ALKBH8: variants seen among roughly 807,000 people sequenced by gnomAD.
ALKBH8 encodes tRNA (carboxymethyluridine(34)-5-O)-methyltransferase ALKBH8.
Under a neutral mutation model 59.8 loss-of-function variants are expected in ALKBH8, and 36 were observed. That is an observed-to-expected ratio of 0.60 (90% CI 0.46 to 0.79). The LOEUF (loss-of-function observed/expected upper bound fraction) is 0.79. ALKBH8 is among the 30% of genes least tolerant of loss of function. The pLI is 0.00. For missense variants in ALKBH8, 768 were observed against 801.0 expected, an observed-to-expected ratio of 0.96 and a Z score of 0.50; for synonymous variants, 276 against 273.6, an observed-to-expected ratio of 1.01 and a Z score of -0.09.
Position 107,522,369 on chromosome 11 carries a change from C to T in ALKBH8, c.1217G>A (p.Ser406Asn), listed in dbSNP as rs1863151115. The change falls in exon 10 of 12, where the codon AGT becomes AAT. Residue 406 changes from serine (S) to asparagine (N), a missense_variant. Physicochemically the swap from Ser to Asn is conservative, Grantham distance 46. Transcript: ENST00000428149. ...TCCAATATCAGCCACTATTGAACCA[C>T]TTGGCAAAGCCTTCAAAAACTCCAC... Reference protein sequence around the residue: ...HIVEFLKALPSGSIVADIGCG... With the variant: ...HIVEFLKALPNGSIVADIGCG... 1 of 1,551,694 alleles carries T rather than the reference C, an allele frequency of 6.4e-7. No individual in the cohort carries two copies. Among genetic ancestry groups the T allele is most frequent in the Non-Finnish European group, 8.7e-7 (1 of 1,146,980 alleles).
intron 6 of ALKBH8, 60 bp from the exon 7 acceptor site, chr11:107,549,883 G>A: frequency 8.4e-7 from 1 of 1,192,976 alleles, no homozygotes. Context: ...ATTTAAGATG[G>A]CTATAAATGT....
At position 107,549,953 on chromosome 11, in the gene ALKBH8, G is replaced by T; in HGVS notation, c.701-130C>A. ...TAATCAGGAAGGTACTATAATTTTGGTTAAAAGGAAACATTTAGGGTGAAT... is the reference window on the plus strand; with the variant it reads ...TAATCAGGAAGGTACTATAATTTTGTTTAAAAGGAAACATTTAGGGTGAAT... On this transcript the variant is annotated intron_variant, in intron 6 of 11. Transcript: ENST00000428149. 4 of 608,016 alleles carry T rather than the reference G, an allele frequency of 6.6e-6. No individual in the cohort carries two copies. In the South Asian group the frequency reaches 1.1e-4, roughly 16 times the overall value. 37.7% of individuals were successfully genotyped at this position (608,016 alleles called of 1,614,324 possible).
rs1472141916 is a variant in ALKBH8 at position 107,504,989 on chromosome 11, G to A, written c.1664C>T (p.Ser555Phe). The A allele has an allele frequency of 6.4e-7, 1 of 1,551,698 alleles. No homozygotes were observed. Among genetic ancestry groups the A allele is most frequent in the Non-Finnish European group, 8.7e-7 (1 of 1,146,858 alleles). ...AGAGTCATTAATGCGGGGGACAGAA[G>A]ATGCCGAGTCTCGACTGCCCATGTC... Reference protein sequence around the residue: ...MRDMGSRDSASSVPRINDSQE... With the variant: ...MRDMGSRDSAFSVPRINDSQE... The change falls in exon 12 of 12, where the codon TCT (serine) becomes TTT (phenylalanine). Residue 555 changes from serine (S) to phenylalanine (F), a missense_variant. Transcript: ENST00000428149.
chr11:107,522,612 C>A, intron 9 of ALKBH8, 57 bp from the exon 10 acceptor site: 3 of 1,462,788 alleles, frequency 2.1e-6, no homozygotes, highest in East Asian at 2.5e-5. Flanking sequence ...CATAAGGTAT[C>A]AAGTTTTCTT....
chr11:107,503,524 T>G lies in ALKBH8; in HGVS notation c.*1134A>C, dbSNP rs1862256697. On this transcript the variant is annotated 3_prime_UTR_variant, in exon 12 of 12. Coordinates refer to ENST00000428149, the MANE Select transcript of ALKBH8 (RefSeq NM_138775.3). ...TGAAAAAAAGCCTTTTCCTTCTATG[T>G]GATAATTTGACCTATGGTTGAATTT... The G allele has an allele frequency of 6.6e-6, 1 of 152,228 alleles. No homozygotes were observed. The highest frequency in any genetic ancestry group is 1.5e-5 in the Non-Finnish European group (1 of 68,040). 9.4% of individuals were successfully genotyped at this position (152,228 alleles called of 1,614,324 possible). A position where few individuals can be genotyped will look rare whatever the true frequency, so the allele number is the denominator to read the frequency against.
chr11:107,556,482 A>G (rs1254546024), intron 3 of ALKBH8, among the ~76,000 whole-genome samples: 2 of 152,298 alleles, frequency 1.3e-5, no homozygotes, highest in African/African-American at 4.8e-5. Flanking sequence ...GAAAAACACA[A>G]TTAGGCAGGA....
At chr11:107,561,622 C>G (rs184217669) in intron 1 of ALKBH8, among the ~76,000 whole-genome samples, 1 of 152,234 alleles carries the variant, frequency 6.6e-6, no homozygotes, top group African/African-American at 2.4e-5. Context: ...TCACACCATC[C>G]AAATCAGCAC....
intron 6 of ALKBH8, 138 bp from the exon 7 acceptor site, chr11:107,549,961 G>A: frequency 1.7e-6 from 1 of 578,586 alleles, no homozygotes; most frequent in South Asian, 2.7e-5. Flanking sequence ...TGGTTAAAAG[G>A]AAACATTTAG....
At chr11:107,538,196 A>G (rs1465598839) in intron 7 of ALKBH8, among the ~76,000 whole-genome samples, 1 of 150,312 alleles carries the variant, frequency 6.7e-6, no homozygotes, top group Non-Finnish European at 1.5e-5. Context: ...TCTGAAACTT[A>G]TTTTGGCATA....
intron 7 of ALKBH8, among the ~76,000 whole-genome samples, chr11:107,534,226 G>T (rs1863717339): frequency 6.6e-6 from 1 of 152,070 alleles, no homozygotes. Context: ...ATTTATATAG[G>T]TTTCAGTTTT....
chr11:107,539,009 T>C (rs1863931717), intron 7 of ALKBH8, among the ~76,000 whole-genome samples: 1 of 152,228 alleles, frequency 6.6e-6, no homozygotes, highest in Non-Finnish European at 1.5e-5. Context: ...TTTCCCACAG[T>C]CTACCAAACA....
rs1862236523 is a variant in ALKBH8, at chr11:107,502,869, A to G, written c.*1789T>C. 6.6e-6 allele frequency: 1 copy of G among 152,238 alleles called. No individual in the cohort carries two copies. The highest frequency in any genetic ancestry group is 2.4e-5 in the African/African-American group (1 of 41,466). The allele number at this position is 152,238 out of a possible 1,614,324, so 9.4% of individuals were successfully genotyped here. ...TTACACTATCCTATGATGTATACAA[A>G]TATACTTTCAGTGAATTTTCATAAC... On this transcript the variant is annotated 3_prime_UTR_variant, in exon 12 of 12. Transcript: ENST00000428149.
At chr11:107,508,742 C>T (rs1862499970) in intron 11 of ALKBH8, among the ~76,000 whole-genome samples, 1 of 152,126 alleles carries the variant, frequency 6.6e-6, no homozygotes, top group African/African-American at 2.4e-5. Context: ...CTAAGTAGTT[C>T]ATGTAAGTAG....
intron 7 of ALKBH8, among the ~76,000 whole-genome samples, chr11:107,537,041 G>T (rs182708369): frequency 6.6e-6 from 1 of 152,254 alleles, no homozygotes; most frequent in Admixed American, 6.5e-5. Context: ...CTATGGTGAG[G>T]CCTGAAAAAT....
In ALKBH8 at chr11:107,562,213, C is replaced by T. The variant is rs552805124; in HGVS notation, c.-6-1314G>A. Among the ~76,000 whole-genome samples, 21 of 151,582 alleles carry T rather than the reference C, an allele frequency of 1.4e-4. No individual in the cohort carries two copies. The South Asian group carries it at 1.7e-3, about 12-fold the overall frequency. On this transcript the variant is annotated intron_variant, in intron 1 of 11. Coordinates refer to ENST00000428149, the MANE Select transcript of ALKBH8 (RefSeq NM_138775.3). ...ACTTGGGAGGCTGAGGCACGAGAAT[C>T]GCTTGAACCCGGGAGGCAGAGGTTG... is the stretch of plus-strand genomic sequence containing the variant.
At position 107,551,859 on chromosome 11, in the gene ALKBH8, T is replaced by C. The variant is rs747730568; in HGVS notation, c.649A>G (p.Ile217Val). 9.0e-6 allele frequency: 14 copies of C among 1,559,490 alleles called. No homozygotes were observed. Among genetic ancestry groups the C allele is most frequent in the East Asian group, 7.4e-5 (3 of 40,282 alleles). The change falls in exon 6 of 12, where the codon ATT becomes GTT. Residue 217 changes from isoleucine to valine, a missense_variant. Physicochemically the swap from Ile to Val is conservative, Grantham distance 29 (BLOSUM62 3). Transcript: ENST00000428149. ...GTCATTTGATCAGGTTTATGTTTAA[T>C]GTAACCTTTCCTCAACCATTTCTCC... ...FLEKWLRKGY[I>V]KHKPDQMTIN... is the part of the protein sequence containing the mutation.
intron 10 of ALKBH8, among the ~76,000 whole-genome samples, chr11:107,511,726 G>A (rs1218021396): frequency 6.6e-6 from 1 of 152,002 alleles, no homozygotes; most frequent in Non-Finnish European, 1.5e-5. Flanking sequence ...ACAGGCATGA[G>A]CCAACACGCC....
At chr11:107,542,299 C>A (rs659571) in intron 7 of ALKBH8, among the ~76,000 whole-genome samples, 145,587 of 152,232 alleles carry the variant, frequency 0.96, 69,784 homozygotes, top group African/African-American at 0.99. Flanking sequence ...AAGATAAAAG[C>A]AAAAAATCTT....
intron 3 of ALKBH8, among the ~76,000 whole-genome samples, chr11:107,554,566 T>A (rs1004237579): frequency 2.0e-5 from 3 of 152,220 alleles, no homozygotes; most frequent in Non-Finnish European, 4.4e-5. Flanking sequence ...AAGGGAATAG[T>A]GTATTCACAT....
Sources: gnomAD v4.1 joint callset for allele counts (sites outside exome capture counted in the v4.1 genomes callset) on GRCh38, gnomAD v4.1.1 for gene constraint, MANE v1.5 for transcripts, NCBI Gene and HGNC (gene_info 2026-07-23, HGNC 2026-07-21) for gene names.